Variants in LY96 observed in about 807,000 individuals in gnomAD.
The protein encoded by LY96 is myeloid differentiation protein-2.
Under a neutral mutation model 18.9 loss-of-function variants are expected in LY96, and 18 were observed. That is an observed-to-expected ratio of 0.95 (90% CI 0.66 to 1.41). The LOEUF is 1.41. Ranked by LOEUF, LY96 falls within the 40% of genes most tolerant of loss-of-function variation. The pLI, the probability that LY96 is intolerant of heterozygous loss-of-function variation, is 0.00. For synonymous variants in LY96, 66 were observed against 62.6 expected (o/e 1.06, Z -0.26); for missense variants, 175 against 182.4 (o/e 0.96, Z 0.23).
chr8:74,042,308 G>A, the LY96 span, among the ~76,000 whole-genome samples: 2 of 152,160 alleles, frequency 1.3e-5, no homozygotes, highest in East Asian at 3.9e-4. Context: ...ATCTCCTGAG[G>A]TCAGGAGTTC....
At chr8:74,065,601 C>T in the LY96 span, among the ~76,000 whole-genome samples, 2 of 152,126 alleles carry the variant, frequency 1.3e-5, no homozygotes, top group Non-Finnish European at 2.9e-5. Flanking sequence ...TGGTGCTCCC[C>T]CACTTATGAT....
chr8:74,002,016 T>A (rs1409176928), intron 1 of LY96, among the ~76,000 whole-genome samples: 1 of 10,390 alleles, frequency 9.6e-5, no homozygotes, highest in Non-Finnish European at 1.7e-4. Flanking sequence ...TCTTCCTTCC[T>A]TCCTTCCTTC....
rs556645175 is a variant in LY96 at position 74,026,313 on chromosome 8, T to C, written c.332-476T>C. Reference sequence around the variant, plus strand: ...CACAGCTTGTGTGGGGCCAGGCCCGTGGCTATGCACTTAAACAGAAGCTAA... The same window carrying C: ...CACAGCTTGTGTGGGGCCAGGCCCGCGGCTATGCACTTAAACAGAAGCTAA... On this transcript the variant is annotated intron_variant, in intron 3 of 4. Transcript: ENST00000284818. Among the ~76,000 whole-genome samples the C allele has an allele frequency of 6.6e-5, 10 of 152,350 alleles. No individual in the cohort carries two copies. The East Asian group carries it at 9.6e-4, about 15-fold the overall frequency.
chr8:74,095,243 T>G, the LY96 span, among the ~76,000 whole-genome samples: 1 of 152,216 alleles, frequency 6.6e-6, no homozygotes, highest in Non-Finnish European at 1.5e-5. Context: ...TAAGCTTTAT[T>G]CAGGGCACAG....
chr8:73,997,897 G>C (rs1025523208), intron 1 of LY96, among the ~76,000 whole-genome samples: 3 of 152,206 alleles, frequency 2.0e-5, no homozygotes, highest in Non-Finnish European at 4.4e-5. Flanking sequence ...CTCTCTGGGT[G>C]CACCATCCTC....
At chr8:74,035,563 T>G in the LY96 span, among the ~76,000 whole-genome samples, 22 of 152,192 alleles carry the variant, frequency 1.4e-4, no homozygotes, top group African/African-American at 5.1e-4. Flanking sequence ...CCTGAAAAAC[T>G]GGTTCAGGCA....
chr8:74,000,529 A>T (rs1816240197), intron 1 of LY96, among the ~76,000 whole-genome samples: 1 of 152,126 alleles, frequency 6.6e-6, no homozygotes, highest in Non-Finnish European at 1.5e-5. Flanking sequence ...CCTTCTTCTG[A>T]GCCCGCATCA....
chr8:74,055,048 C>T, the LY96 span, among the ~76,000 whole-genome samples: 2 of 152,184 alleles, frequency 1.3e-5, no homozygotes, highest in South Asian at 4.1e-4. Flanking sequence ...GCTGGCACTA[C>T]AGGCCAGCAC....
At chr8:74,029,296 G>A (rs1816930199), downstream of LY96, among the ~76,000 whole-genome samples, 1 of 152,150 alleles carries the variant, frequency 6.6e-6, no homozygotes, top group African/African-American at 2.4e-5. Flanking sequence ...AAGAGTGTTT[G>A]TTATGTTTTC....
At chr8:74,058,110 T>C in the LY96 span, among the ~76,000 whole-genome samples, 1 of 152,066 alleles carries the variant, frequency 6.6e-6, no homozygotes, top group Non-Finnish European at 1.5e-5. Flanking sequence ...CTCCTATGAC[T>C]CTAGCATATT....
intron 1 of LY96, among the ~76,000 whole-genome samples, chr8:73,993,509 C>T (rs1816054149): frequency 6.6e-6 from 1 of 152,022 alleles, no homozygotes; most frequent in African/African-American, 2.4e-5. Context: ...ATGGCATGAT[C>T]TTGGCTCACT....
chr8:74,012,733 A>G (rs1183579244), intron 3 of LY96, among the ~76,000 whole-genome samples: 1 of 152,084 alleles, frequency 6.6e-6, no homozygotes, highest in Non-Finnish European at 1.5e-5. Flanking sequence ...TTATAATAAA[A>G]TTATGTGTAA....
chr8:74,047,200 T>C, the LY96 span, among the ~76,000 whole-genome samples: 1 of 152,188 alleles, frequency 6.6e-6, no homozygotes, highest in Non-Finnish European at 1.5e-5. Context: ...GACCCACTCA[T>C]TCTACATGGA....
the LY96 span, among the ~76,000 whole-genome samples, chr8:74,077,267 T>G: frequency 6.6e-6 from 1 of 152,176 alleles, no homozygotes; most frequent in South Asian, 2.1e-4. Context: ...TCCAGATACT[T>G]CATTAGCATA....
the LY96 span, among the ~76,000 whole-genome samples, chr8:74,067,540 G>A: frequency 1.3e-4 from 20 of 150,654 alleles, no homozygotes; most frequent in East Asian, 3.7e-3. Context: ...TGTTGTTAGA[G>A]TTTGACACAG....
the LY96 span, among the ~76,000 whole-genome samples, chr8:74,057,115 A>G: frequency 2.0e-5 from 3 of 152,228 alleles, no homozygotes; most frequent in African/African-American, 7.2e-5. Context: ...CTTGGAAAAC[A>G]CATGATGTAG....
In LY96 at chr8:74,012,093, A is replaced by G. The variant is rs141918550; in HGVS notation, c.331+1964A>G. Among the ~76,000 whole-genome samples, 411 of 152,326 alleles carry G rather than the reference A, an allele frequency of 2.7e-3. 1 individual carries two copies. Among genetic ancestry groups the G allele is most frequent in the African/African-American group, 9.1e-3 (379 of 41,582 alleles). On this transcript the variant is annotated intron_variant, in intron 3 of 4. Coordinates refer to ENST00000284818, the MANE Select transcript of LY96 (RefSeq NM_015364.5). ...AAAGAACTCATCCATTTTTGGTGGG[A>G]ATGTAAATTAGTATAGTCTATGGAA...
chr8:74,090,515 T>C, the LY96 span, among the ~76,000 whole-genome samples: 3 of 152,354 alleles, frequency 2.0e-5, no homozygotes, highest in East Asian at 1.9e-4. Flanking sequence ...ATTCTCACTT[T>C]GCTTCTATTA....
chr8:73,996,779 C>G (rs931713765), intron 1 of LY96, among the ~76,000 whole-genome samples: 8 of 151,850 alleles, frequency 5.3e-5, no homozygotes, highest in Admixed American at 6.6e-5. Context: ...GGGTCTTGCT[C>G]TGTTGCCCAG....
Sources: gnomAD v4.1 joint callset for allele counts (sites outside exome capture counted in the v4.1 genomes callset) on GRCh38, gnomAD v4.1.1 for gene constraint, MANE v1.5 for transcripts, NCBI Gene and HGNC (gene_info 2026-07-23, HGNC 2026-07-21) for gene names.